Variants in CCDC7 observed in about 807,000 individuals in gnomAD.
CCDC7 encodes coiled-coil domain containing 7.
CCDC7 carries 183 observed loss-of-function variants against 196.9 expected under a neutral mutation model. The observed-to-expected ratio is 0.93, with a 90% CI of 0.82 to 1.05. The LOEUF is 1.05. CCDC7 is among the 50% of genes least tolerant of loss of function. CCDC7 has a pLI of 0.00. For missense variants in CCDC7, 1,540 were observed against 1,482.2 expected (o/e 1.04, Z -0.64); for synonymous variants, 525 against 484.6 (o/e 1.08, Z -1.10).
At chr10:32,558,088 T>C (rs530265990) in intron 13 of CCDC7, among the ~76,000 whole-genome samples, 5 of 152,344 alleles carry the variant, frequency 3.3e-5, no homozygotes, top group African/African-American at 1.2e-4. Flanking sequence ...TTTAAACATC[T>C]GTATGTGAAT....
intron 18 of CCDC7, among the ~76,000 whole-genome samples, chr10:32,633,952 T>A (rs897517161): frequency 3.9e-5 from 6 of 152,116 alleles, no homozygotes; most frequent in African/African-American, 1.4e-4. Context: ...TATTTCAATA[T>A]TTTTCTTCAT....
chr10:32,643,645 T>C (rs534590800), intron 20 of CCDC7, among the ~76,000 whole-genome samples: 36 of 152,166 alleles, frequency 2.4e-4, no homozygotes, highest in African/African-American at 8.4e-4. Context: ...AAATCAATTA[T>C]TTCTGTTTTA....
chr10:32,586,087 T>G (rs1421838745), intron 18 of CCDC7, among the ~76,000 whole-genome samples: 2 of 152,260 alleles, frequency 1.3e-5, no homozygotes, highest in African/African-American at 4.8e-5. Flanking sequence ...TGAGATGATA[T>G]CTCATTGTGG....
At chr10:32,668,479 C>G (rs1193701714) in intron 21 of CCDC7, among the ~76,000 whole-genome samples, 1 of 152,066 alleles carries the variant, frequency 6.6e-6, no homozygotes, top group Admixed American at 6.6e-5. Flanking sequence ...CAGTTTTTGC[C>G]CATTCAGTAT....
chr10:32,466,441 A>G (rs762472536), intron 5 of CCDC7, among the ~76,000 whole-genome samples: 6 of 152,198 alleles, frequency 3.9e-5, no homozygotes, highest in Non-Finnish European at 5.9e-5. Flanking sequence ...ACCCTCATGT[A>G]GACCCCAGTG....
chr10:32,639,474 G>A (rs2066304017), intron 20 of CCDC7, among the ~76,000 whole-genome samples: 1 of 151,896 alleles, frequency 6.6e-6, no homozygotes, highest in Non-Finnish European at 1.5e-5. Flanking sequence ...TTTAATTTTG[G>A]CTTTTGCCTT....
intron 33 of CCDC7, among the ~76,000 whole-genome samples, chr10:32,838,953 C>T (rs1434695844): frequency 5.3e-5 from 8 of 151,934 alleles, no homozygotes; most frequent in Admixed American, 5.3e-4. Flanking sequence ...TTGCCACTAC[C>T]TAGCCAGTAC....
intron 31 of CCDC7, among the ~76,000 whole-genome samples, chr10:32,822,453 G>T (rs1214470447): frequency 6.6e-6 from 1 of 152,102 alleles, no homozygotes; most frequent in East Asian, 1.9e-4. Context: ...ATGTAAATAA[G>T]TGTGTTCATG....
At chr10:32,490,083 G>A (rs1290710530) in intron 8 of CCDC7, among the ~76,000 whole-genome samples, 3 of 152,172 alleles carry the variant, frequency 2.0e-5, no homozygotes, top group Non-Finnish European at 4.4e-5. Flanking sequence ...GGCTCATAGT[G>A]ATAGTTCCTG....
intron 13 of CCDC7, among the ~76,000 whole-genome samples, chr10:32,562,270 A>G (rs1161613583): frequency 6.6e-6 from 1 of 152,228 alleles, no homozygotes; most frequent in Non-Finnish European, 1.5e-5. Context: ...CAATCAATAG[A>G]AAAAGAGGGA....
At chr10:32,841,007 G>A (rs575844193) in intron 33 of CCDC7, among the ~76,000 whole-genome samples, 1 of 151,798 alleles carries the variant, frequency 6.6e-6, no homozygotes, top group Admixed American at 6.6e-5. Flanking sequence ...ATAACATAAG[G>A]TAATAAAAGC....
intron 28 of CCDC7, among the ~76,000 whole-genome samples, chr10:32,752,592 T>C (rs1238321856): frequency 6.6e-6 from 1 of 152,118 alleles, no homozygotes; most frequent in Non-Finnish European, 1.5e-5. Context: ...TGTCAAATAA[T>C]GGCTTAATAT....
At chr10:32,484,805 C>G (rs2040690040) in intron 8 of CCDC7, among the ~76,000 whole-genome samples, 1 of 151,992 alleles carries the variant, frequency 6.6e-6, no homozygotes, top group African/African-American at 2.4e-5. Context: ...TACATTTATT[C>G]ATTTGTGCAT....
upstream of CCDC7, among the ~76,000 whole-genome samples, chr10:32,449,352 A>G (rs1219507039): frequency 6.6e-6 from 1 of 151,788 alleles, no homozygotes; most frequent in Non-Finnish European, 1.5e-5. Context: ...ACGCCTGGAT[A>G]ATTTTTTGTA....
At chr10:32,777,169 A>G (rs1341369755) in intron 28 of CCDC7, among the ~76,000 whole-genome samples, 2 of 152,192 alleles carry the variant, frequency 1.3e-5, no homozygotes, top group Non-Finnish European at 2.9e-5. Context: ...CCTCAGGATA[A>G]TGGCCTCCAG....
At chr10:32,547,181 C>G (rs11817698) in intron 13 of CCDC7, among the ~76,000 whole-genome samples, 2 of 152,062 alleles carry the variant, frequency 1.3e-5, no homozygotes, top group Non-Finnish European at 2.9e-5. Context: ...TCACACCCTG[C>G]TAAGTTTTAT....
At chr10:32,466,612 T>A (rs1233208104) in intron 5 of CCDC7, among the ~76,000 whole-genome samples, 1 of 152,256 alleles carries the variant, frequency 6.6e-6, no homozygotes, top group Non-Finnish European at 1.5e-5. Flanking sequence ...CTCATTCATT[T>A]ATATGGCTGA....
chr10:32,778,904 C>A, intron 28 of CCDC7, 73 bp from the exon 30 acceptor site: 2 of 1,033,114 alleles, frequency 1.9e-6, no homozygotes, highest in Non-Finnish European at 2.9e-6. Flanking sequence ...TTCTTGGTTA[C>A]ATGCATTGCT....
intron 24 of CCDC7, among the ~76,000 whole-genome samples, chr10:32,706,295 G>T (rs2079741918): frequency 6.6e-6 from 1 of 152,054 alleles, no homozygotes; most frequent in Non-Finnish European, 1.5e-5. Context: ...CAACATACTG[G>T]AATCTCTGGG....
Sources: gnomAD v4.1 joint callset for allele counts (sites outside exome capture counted in the v4.1 genomes callset) on GRCh38, gnomAD v4.1.1 for gene constraint, MANE v1.5 for transcripts, NCBI Gene and HGNC (gene_info 2026-07-23, HGNC 2026-07-21) for gene names.